TOX2: variants seen among roughly 807,000 people sequenced by gnomAD.
TOX2 encodes TOX high mobility group box family member 2.
A neutral mutation model predicts 47.4 loss-of-function variants in TOX2; 15 were observed. That is an observed-to-expected ratio of 0.32 (90% CI 0.21 to 0.49). The LOEUF (loss-of-function observed/expected upper bound fraction) is 0.49. TOX2 is among the 20% of genes least tolerant of loss of function. The pLI is 0.99. For missense variants in TOX2, 622 were observed against 673.1 expected (o/e 0.92, Z 0.84); for synonymous variants, 290 against 296.6 (o/e 0.98, Z 0.23).
intron 2 of TOX2, among the ~76,000 whole-genome samples, chr20:43,986,256 A>AATTGTATGTATGT (rs2070261458): frequency 6.7e-6 from 1 of 149,660 alleles, no homozygotes; most frequent in African/African-American, 2.5e-5. Context: ...AGCCTTTTAA[A>AATTGTATGTATGT]ATGTATGTAT....
intron 3 of TOX2, among the ~76,000 whole-genome samples, chr20:44,013,813 C>G (rs932554881): frequency 1.3e-5 from 2 of 152,054 alleles, no homozygotes; most frequent in African/African-American, 4.8e-5. Flanking sequence ...ATGATTTGGC[C>G]ACTCTCATAT....
intron 3 of TOX2, among the ~76,000 whole-genome samples, chr20:44,050,092 T>C (rs1444287645): frequency 6.6e-6 from 1 of 152,252 alleles, no homozygotes; most frequent in Non-Finnish European, 1.5e-5. Context: ...TTAAATGTTC[T>C]CATCTAAGCA....
chr20:44,035,195 C>T (rs1480494611), intron 3 of TOX2, among the ~76,000 whole-genome samples: 1 of 152,236 alleles, frequency 6.6e-6, no homozygotes, highest in African/African-American at 2.4e-5. Flanking sequence ...TCGGGCAATT[C>T]TGAACACGTC....
intron 2 of TOX2, among the ~76,000 whole-genome samples, chr20:43,982,751 A>C (rs1212213594): frequency 6.6e-6 from 1 of 151,544 alleles, no homozygotes; most frequent in Non-Finnish European, 1.5e-5. Flanking sequence ...TGGAAGAATG[A>C]GGGGCTGGAT....
intron 1 of TOX2, among the ~76,000 whole-genome samples, chr20:43,936,224 A>G (rs1311677474): frequency 6.6e-6 from 1 of 152,222 alleles, no homozygotes; most frequent in Non-Finnish European, 1.5e-5. Flanking sequence ...GCTCAAACTC[A>G]GGGTCTGAAC....
At chr20:44,009,510 G>T (rs73282677) in intron 3 of TOX2, among the ~76,000 whole-genome samples, 2 of 152,072 alleles carry the variant, frequency 1.3e-5, no homozygotes, top group Non-Finnish European at 2.9e-5. Context: ...CAAACCTAGC[G>T]ATTCAGACTC....
chr20:43,971,226 C>G (rs533400850), intron 1 of TOX2, among the ~76,000 whole-genome samples: 12 of 152,170 alleles, frequency 7.9e-5, no homozygotes, highest in Non-Finnish European at 1.8e-4. Context: ...CATCAAGGTA[C>G]AGATAGACAA....
At chr20:43,937,087 A>T (rs2069335558) in intron 1 of TOX2, among the ~76,000 whole-genome samples, 1 of 152,206 alleles carries the variant, frequency 6.6e-6, no homozygotes, top group South Asian at 2.1e-4. Context: ...GGAGAGCCAC[A>T]CAGGGCCGGG....
In TOX2 at chr20:43,916,642, T is replaced by C. The variant is rs2069058529; in HGVS notation, c.99+1652T>C. 6.6e-6 allele frequency among the ~76,000 whole-genome samples: 1 copy of C among 151,826 alleles called. No homozygotes were observed. Among genetic ancestry groups the C allele is most frequent in the Non-Finnish European group, 1.5e-5 (1 of 67,900 alleles). The stretch of plus-strand genomic sequence containing the variant: ...AGTGGAGTTTTCAGGGAGGAGAAGG[T>C]TGGGTGTGGGGGCAGCTGGTCTGTC... On this transcript the variant is annotated intron_variant, in intron 1 of 8. Coordinates refer to ENST00000341197, the MANE Select transcript of TOX2 (RefSeq NM_001098797.2). The surrounding 1 kb of genome is among the most constrained non-coding windows in gnomAD (Gnocchi z 5.0).
At chr20:44,024,270 C>T (rs1482802260) in intron 3 of TOX2, among the ~76,000 whole-genome samples, 1 of 152,150 alleles carries the variant, frequency 6.6e-6, no homozygotes, top group African/African-American at 2.4e-5. Context: ...GTTTCTCCCT[C>T]TCTTTTCTGT....
At chr20:44,052,480 G>A (rs1476595111) in intron 4 of TOX2, among the ~76,000 whole-genome samples, 1 of 152,124 alleles carries the variant, frequency 6.6e-6, no homozygotes, top group Non-Finnish European at 1.5e-5. Context: ...GTGGCCTCCC[G>A]AGGCCTAGGG....
chr20:43,929,159 AAAACAAACAAACAAAC>A (rs368652271), intron 1 of TOX2, among the ~76,000 whole-genome samples: 1 of 152,024 alleles, frequency 6.6e-6, no homozygotes, highest in Admixed American at 6.6e-5. Context: ...CCCTGTCTCA[AAAACAAACAAACAAAC>A]AAACAAACAA....
At chr20:44,052,129 T>C (rs879278841) in intron 4 of TOX2, among the ~76,000 whole-genome samples, 3 of 152,168 alleles carry the variant, frequency 2.0e-5, no homozygotes, top group African/African-American at 4.8e-5. Context: ...CCTCTGGGCC[T>C]AGAGTATTCA....
intron 5 of TOX2, among the ~76,000 whole-genome samples, chr20:44,060,035 T>G (rs896695593): frequency 6.6e-6 from 1 of 152,240 alleles, no homozygotes. Context: ...AGGACACACA[T>G]AACCTTTAGG....
At chr20:43,992,331 G>T (rs916009983) in intron 2 of TOX2, among the ~76,000 whole-genome samples, 4 of 152,216 alleles carry the variant, frequency 2.6e-5, no homozygotes, top group Non-Finnish European at 5.9e-5. Context: ...AGCATCAGGA[G>T]TGATCGTGTA....
At position 43,921,990 on chromosome 20, in the gene TOX2, C is replaced by A. The variant is rs1027614543; in HGVS notation, c.99+7000C>A. 2.0e-5 allele frequency among the ~76,000 whole-genome samples: 3 copies of A among 152,280 alleles called. No homozygotes were observed. In the South Asian group the frequency reaches 6.2e-4, roughly 32 times the overall value. On this transcript the variant is annotated intron_variant, in intron 1 of 8. Coordinates refer to ENST00000341197, the MANE Select transcript of TOX2 (RefSeq NM_001098797.2). ...CTTCTGTTACCTTCTTGAATCTGTG[C>A]AGCAGAGAAAGTGGGTTTTGGAGGC...
At position 43,916,547 on chromosome 20, in the gene TOX2, G is replaced by A. The variant is rs1319409088; in HGVS notation, c.99+1557G>A. ...TGCAAAGTTAGAAGCCGATGAGGGG[G>A]GATGGTAGCCTCAGGAGAAGGCCGG... On this transcript the variant is annotated intron_variant, in intron 1 of 8. Transcript: ENST00000341197. The surrounding 1 kb of genome is among the most constrained non-coding windows in gnomAD (Gnocchi z 5.0). 6.6e-6 allele frequency among the ~76,000 whole-genome samples: 1 copy of A among 152,238 alleles called. No homozygotes were observed. Among genetic ancestry groups the A allele is most frequent in the East Asian group, 1.9e-4 (1 of 5,196 alleles).
At chr20:43,930,933 C>T (rs911104765) in intron 1 of TOX2, among the ~76,000 whole-genome samples, 13 of 152,258 alleles carry the variant, frequency 8.5e-5, no homozygotes, top group African/African-American at 2.6e-4. Context: ...CCTTACCCAT[C>T]GCTTTCTTTC....
At chr20:44,003,977 T>C (rs553867161) in intron 2 of TOX2, among the ~76,000 whole-genome samples, 45 of 152,038 alleles carry the variant, frequency 3.0e-4, no homozygotes, top group Non-Finnish European at 1.9e-4. Flanking sequence ...AGAAAGAGAA[T>C]AGAGCAGCCC....
Sources: gnomAD v4.1 joint callset for allele counts (sites outside exome capture counted in the v4.1 genomes callset) on GRCh38, gnomAD v4.1.1 for gene constraint, Gnocchi (gnomAD v3.1) non-coding constraint, MANE v1.5 for transcripts, NCBI Gene and HGNC (gene_info 2026-07-23, HGNC 2026-07-21) for gene names.